CTNNA3: variants seen among roughly 807,000 people sequenced by gnomAD.
CTNNA3 encodes catenin alpha-3.
A neutral mutation model predicts 95.7 loss-of-function variants in CTNNA3; 76 were observed. That is an observed-to-expected ratio of 0.79 (90% CI 0.66 to 0.96). CTNNA3 has a LOEUF of 0.96. Among genes scored for constraint, CTNNA3 ranks in the 40% least tolerant of loss-of-function variants. The pLI, the probability that CTNNA3 is intolerant of heterozygous loss-of-function variation, is 0.00. For synonymous variants in CTNNA3, 431 were observed against 374.4 expected, an observed-to-expected ratio of 1.15 and a Z score of -1.74; for missense variants, 1,191 against 1,089.8, an observed-to-expected ratio of 1.09 and a Z score of -1.31.
chr10:66,546,575 T>C (rs565748960), intron 10 of CTNNA3, among the ~76,000 whole-genome samples: 3 of 152,232 alleles, frequency 2.0e-5, no homozygotes, highest in East Asian at 1.9e-4. Context: ...CTTACAAATA[T>C]GGTGGAAGGT....
chr10:67,264,025 A>G (rs997315430), intron 5 of CTNNA3, among the ~76,000 whole-genome samples: 30 of 152,304 alleles, frequency 2.0e-4, no homozygotes, highest in African/African-American at 6.7e-4. Context: ...CTTTAAAAAA[A>G]AAAGGGTAAC....
chr10:66,148,611 T>C (rs2084020081), intron 13 of CTNNA3, among the ~76,000 whole-genome samples: 5 of 152,076 alleles, frequency 3.3e-5, no homozygotes, highest in Admixed American at 3.3e-4. Context: ...ATATGAGGAA[T>C]ACAGTGAGAA....
chr10:66,815,964 A>G (rs1842063140), intron 7 of CTNNA3, among the ~76,000 whole-genome samples: 1 of 152,168 alleles, frequency 6.6e-6, no homozygotes, highest in Non-Finnish European at 1.5e-5. Flanking sequence ...CAGTATAGCT[A>G]TATTTTTGTT....
chr10:66,395,436 T>C (rs2092968044), intron 11 of CTNNA3, among the ~76,000 whole-genome samples: 1 of 152,054 alleles, frequency 6.6e-6, no homozygotes. Flanking sequence ...TCACAAAATA[T>C]TCTGTATCAC....
chr10:67,686,388 A>C (rs1840731270), intron 1 of CTNNA3, among the ~76,000 whole-genome samples: 1 of 152,186 alleles, frequency 6.6e-6, no homozygotes, highest in South Asian at 2.1e-4. Flanking sequence ...CTTCTAAGAG[A>C]TCATCTTGGG....
intron 13 of CTNNA3, among the ~76,000 whole-genome samples, chr10:66,263,414 A>G (rs2091064518): frequency 6.6e-6 from 1 of 152,054 alleles, no homozygotes; most frequent in African/African-American, 2.4e-5. Context: ...AGTTCTTATC[A>G]TAACACTATC....
intron 5 of CTNNA3, among the ~76,000 whole-genome samples, chr10:67,255,362 T>C (rs188481178): frequency 6.6e-6 from 1 of 152,136 alleles, no homozygotes; most frequent in East Asian, 1.9e-4. Context: ...TTCTAAAATC[T>C]ATTACAACTC....
At chr10:66,795,840 T>A (rs568825763) in intron 7 of CTNNA3, among the ~76,000 whole-genome samples, 2 of 152,322 alleles carry the variant, frequency 1.3e-5, no homozygotes, top group African/African-American at 4.8e-5. Context: ...GGCATTTTCA[T>A]GTTATGAAGC....
At chr10:65,928,297 T>C (rs1009534737) in intron 17 of CTNNA3, among the ~76,000 whole-genome samples, 2 of 152,180 alleles carry the variant, frequency 1.3e-5, no homozygotes, top group African/African-American at 4.8e-5. Context: ...AATAAATTGA[T>C]CATTTATGTT....
chr10:67,434,686 C>A (rs1473136050), intron 5 of CTNNA3, among the ~76,000 whole-genome samples: 2 of 151,890 alleles, frequency 1.3e-5, no homozygotes, highest in Non-Finnish European at 2.9e-5. Flanking sequence ...TATATTCACA[C>A]CAAAACCCAA....
intron 11 of CTNNA3, among the ~76,000 whole-genome samples, chr10:66,443,664 A>T (rs2093393205): frequency 6.6e-6 from 1 of 151,972 alleles, no homozygotes; most frequent in Non-Finnish European, 1.5e-5. Flanking sequence ...CACACCAAAA[A>T]CCCATCTGTA....
intron 1 of CTNNA3, among the ~76,000 whole-genome samples, chr10:67,714,637 A>G (rs1386209884): frequency 1.3e-5 from 2 of 152,138 alleles, no homozygotes; most frequent in Non-Finnish European, 2.9e-5. Flanking sequence ...ACTTCCAGGG[A>G]CTGTTGAGAA....
chr10:66,831,799 A>C (rs1178721311), intron 7 of CTNNA3, among the ~76,000 whole-genome samples: 1 of 152,194 alleles, frequency 6.6e-6, no homozygotes, highest in African/African-American at 2.4e-5. Context: ...TTTCCAGCAC[A>C]ATGTCTTTAA....
At chr10:67,581,214 T>C (rs1234973885) in intron 3 of CTNNA3, among the ~76,000 whole-genome samples, 1 of 152,178 alleles carries the variant, frequency 6.6e-6, no homozygotes, top group Non-Finnish European at 1.5e-5. Context: ...ATAGCTATTA[T>C]TATTTTGAGA....
rs557614094 is a variant in CTNNA3, at chr10:66,120,200, C to G, written c.1885-16951G>C. On this transcript the variant is annotated intron_variant, in intron 13 of 17. Transcript: ENST00000433211. ...TAATTAATTTTAAATTATGATAAACCATGGATAAGAAGTTGTGTAGCATTA... is the reference window on the plus strand; with the variant it reads ...TAATTAATTTTAAATTATGATAAACGATGGATAAGAAGTTGTGTAGCATTA... 3.9e-5 allele frequency among the ~76,000 whole-genome samples: 6 copies of G among 151,998 alleles called. No homozygotes were observed. In the East Asian group the frequency reaches 1.2e-3, roughly 29 times the overall value.
chr10:67,717,994 T>C (rs1841154537), intron 1 of CTNNA3, among the ~76,000 whole-genome samples: 1 of 152,212 alleles, frequency 6.6e-6, no homozygotes, highest in Non-Finnish European at 1.5e-5. Flanking sequence ...TTTATTTCCT[T>C]GAGCAATGGT....
rs2087700799 is a variant in CTNNA3 at position 66,205,491 on chromosome 10, C to T, written c.1884+74979G>A. Among the ~76,000 whole-genome samples, 5 of 152,034 alleles carry T rather than the reference C, an allele frequency of 3.3e-5. No homozygotes were observed. The South Asian group carries it at 1.0e-3, about 32-fold the overall frequency. ...GAGAATACCTTCAATCATTTTGCTT[C>T]TATAACTTAAGTTCTCAACTCCTAA... On this transcript the variant is annotated intron_variant, in intron 13 of 17. Transcript: ENST00000433211.
At chr10:66,761,022 C>G (rs1839579378) in intron 9 of CTNNA3, among the ~76,000 whole-genome samples, 1 of 152,060 alleles carries the variant, frequency 6.6e-6, no homozygotes, top group Non-Finnish European at 1.5e-5. Flanking sequence ...TGGAAGGGGA[C>G]TGGAAAAGCT....
At chr10:66,097,810 C>A (rs1193451561) in intron 14 of CTNNA3, among the ~76,000 whole-genome samples, 1 of 152,060 alleles carries the variant, frequency 6.6e-6, no homozygotes, top group Non-Finnish European at 1.5e-5. Flanking sequence ...GCCCCTATTG[C>A]AGAAAATAAA....
Sources: allele counts gnomAD v4.1 joint callset (sites outside exome capture counted in the v4.1 genomes callset), GRCh38; gene constraint gnomAD v4.1.1; transcripts MANE v1.5; gene names NCBI Gene and HGNC (gene_info 2026-07-23, HGNC 2026-07-21).